LINGO2: variants seen among roughly 807,000 people sequenced by gnomAD.
The protein encoded by LINGO2 is leucine rich repeat and Ig domain containing 2.
LINGO2 carries 14 observed loss-of-function variants against 30.6 expected under a neutral mutation model. That is an observed-to-expected ratio of 0.46 (90% CI 0.30 to 0.72). The LOEUF (loss-of-function observed/expected upper bound fraction) is 0.72. LINGO2 is among the 30% of genes least tolerant of loss of function. LINGO2 has a pLI of 0.07. For missense variants in LINGO2, 729 were observed against 751.7 expected (o/e 0.97, Z 0.35); for synonymous variants, 317 against 288.5 (o/e 1.10, Z -1.00).
chr9:28,684,119 T>C, the LINGO2 span, among the ~76,000 whole-genome samples: 1 of 151,524 alleles, frequency 6.6e-6, no homozygotes, highest in East Asian at 1.9e-4. Flanking sequence ...ATTTCCATTG[T>C]ATGCATCAAT....
At chr9:28,725,512 C>T in the LINGO2 span, among the ~76,000 whole-genome samples, 1 of 149,558 alleles carries the variant, frequency 6.7e-6, no homozygotes, top group African/African-American at 2.4e-5. Flanking sequence ...GGGGAATAAT[C>T]CTCAAAGATG....
the LINGO2 span, among the ~76,000 whole-genome samples, chr9:28,892,875 A>T: frequency 6.6e-6 from 1 of 151,986 alleles, no homozygotes; most frequent in South Asian, 2.1e-4. Context: ...ATTTTTTTAG[A>T]AAAAAGATTT....
Position 28,286,598 on chromosome 9 carries a change from G to C in LINGO2, c.-87+8610C>G, listed in dbSNP as rs561584571. On this transcript the variant is annotated intron_variant, in intron 4 of 5. Coordinates refer to ENST00000379992, the Ensembl canonical transcript of LINGO2. ...TGATAGACTGAGTAAAGAAAATGTA[G>C]TACGTATATACCACGGAATACTATG... is the stretch of plus-strand genomic sequence containing the variant. Among the ~76,000 whole-genome samples, 37 of 152,284 alleles carry C rather than the reference G, an allele frequency of 2.4e-4. 1 individual carries two copies. The highest frequency in any genetic ancestry group is 8.4e-4 in the African/African-American group (35 of 41,568).
At chr9:28,573,075 GA>G (rs1823782200) in intron 1 of LINGO2, among the ~76,000 whole-genome samples, 1 of 152,116 alleles carries the variant, frequency 6.6e-6, no homozygotes, top group African/African-American at 2.4e-5. Flanking sequence ...AATATTTGCA[GA>G]AATTTATTTT....
At chr9:28,242,159 G>A (rs1421501025) in intron 4 of LINGO2, among the ~76,000 whole-genome samples, 2 of 152,134 alleles carry the variant, frequency 1.3e-5, no homozygotes, top group Non-Finnish European at 2.9e-5. Flanking sequence ...CAGAAGGTGG[G>A]TAATAACAAA....
At chr9:29,108,692 G>A in the LINGO2 span, among the ~76,000 whole-genome samples, 4 of 152,152 alleles carry the variant, frequency 2.6e-5, no homozygotes, top group African/African-American at 9.7e-5. Context: ...GATGCAAAGG[G>A]AAACATTCTA....
At chr9:28,441,894 A>C (rs926638232) in intron 2 of LINGO2, among the ~76,000 whole-genome samples, 2 of 152,162 alleles carry the variant, frequency 1.3e-5, no homozygotes, top group African/African-American at 2.4e-5. Flanking sequence ...TAAGATTGTT[A>C]GTTGTCTCTG....
chr9:28,301,251 T>A (rs1276704309), intron 3 of LINGO2, among the ~76,000 whole-genome samples: 1 of 152,092 alleles, frequency 6.6e-6, no homozygotes, highest in East Asian at 1.9e-4. Flanking sequence ...TTTTGGTCCT[T>A]GGCCACCAGT....
At chr9:29,065,539 T>G in the LINGO2 span, among the ~76,000 whole-genome samples, 3 of 152,068 alleles carry the variant, frequency 2.0e-5, no homozygotes, top group Non-Finnish European at 2.9e-5. Context: ...TTTCCCCCAT[T>G]GCTTGTTATT....
the LINGO2 span, among the ~76,000 whole-genome samples, chr9:28,684,402 G>T: frequency 6.6e-6 from 1 of 151,068 alleles, no homozygotes. Context: ...TGTTAGCCAG[G>T]ATGGTCACGA....
intron 1 of LINGO2, among the ~76,000 whole-genome samples, chr9:28,558,977 C>T (rs905416189): frequency 6.6e-6 from 1 of 151,860 alleles, no homozygotes; most frequent in African/African-American, 2.4e-5. Flanking sequence ...AGTATATTTG[C>T]CAAATCTCTT....
chr9:28,860,479 G>C, the LINGO2 span, among the ~76,000 whole-genome samples: 2 of 151,972 alleles, frequency 1.3e-5, no homozygotes, highest in Admixed American at 1.3e-4. Flanking sequence ...TGAGCCTCCA[G>C]ACAGCTGCCC....
At chr9:28,337,277 G>A (rs182990603) in intron 3 of LINGO2, among the ~76,000 whole-genome samples, 1 of 151,536 alleles carries the variant, frequency 6.6e-6, no homozygotes, top group East Asian at 1.9e-4. Context: ...TAGGAAAAAC[G>A]ACCCTCCAAA....
chr9:28,897,736 G>C, the LINGO2 span, among the ~76,000 whole-genome samples: 4 of 152,044 alleles, frequency 2.6e-5, no homozygotes, highest in African/African-American at 9.7e-5. Context: ...ATAGGTATAA[G>C]CTTTTAGAGT....
chr9:28,031,051 G>GA (rs1823644918), intron 4 of LINGO2, among the ~76,000 whole-genome samples: 3 of 152,060 alleles, frequency 2.0e-5, no homozygotes, highest in South Asian at 2.1e-4. Context: ...TTCTAATATT[G>GA]ATTCTATAAT....
chr9:28,016,116 G>A (rs762604532), intron 4 of LINGO2, among the ~76,000 whole-genome samples: 29 of 151,822 alleles, frequency 1.9e-4, no homozygotes, highest in Non-Finnish European at 3.5e-4. Context: ...CCAATGACCT[G>A]CATTTCCTGA....
chr9:28,587,540 G>C (rs897920774), intron 1 of LINGO2, among the ~76,000 whole-genome samples: 1 of 151,862 alleles, frequency 6.6e-6, no homozygotes, highest in African/African-American at 2.4e-5. Context: ...GGGTGACCTT[G>C]GCTACCTGAC....
At chr9:28,398,400 C>T (rs1331806499) in intron 2 of LINGO2, among the ~76,000 whole-genome samples, 1 of 152,110 alleles carries the variant, frequency 6.6e-6, no homozygotes, top group Admixed American at 6.6e-5. Flanking sequence ...GTAAACATTT[C>T]TATAGTGATT....
At chr9:28,601,130 C>T (rs1825448926) in intron 1 of LINGO2, among the ~76,000 whole-genome samples, 1 of 152,056 alleles carries the variant, frequency 6.6e-6, no homozygotes, top group Admixed American at 6.6e-5. Flanking sequence ...TTACACAGGC[C>T]TAGCAGTACC....
Sources: allele counts gnomAD v4.1 joint callset (sites outside exome capture counted in the v4.1 genomes callset), GRCh38; gene constraint gnomAD v4.1.1; transcripts MANE v1.5; gene names NCBI Gene and HGNC (gene_info 2026-07-23, HGNC 2026-07-21).